Variants in BACH2 observed in about 807,000 individuals in gnomAD.
BACH2 encodes the protein BACH transcriptional regulator 2, also known as transcription regulator protein BACH2.
In BACH2, 5 loss-of-function variants were observed where a neutral mutation model predicts 61.8. That is an observed-to-expected ratio of 0.08 (90% confidence interval 0.04 to 0.17). The LOEUF is 0.17. BACH2 is among the 10% of genes least tolerant of loss of function. The probability of loss-of-function intolerance (pLI) is 1.00; values close to 1 mark genes in which losing one functional copy is unlikely to be tolerated. For missense variants in BACH2, 824 were observed against 1,091.1 expected, an observed-to-expected ratio of 0.76 and a Z score of 3.45; for synonymous variants, 446 against 440.1, an observed-to-expected ratio of 1.01 and a Z score of -0.17.
intron 6 of BACH2, among the ~76,000 whole-genome samples, chr6:89,969,071 TAGGCTGAG>T (rs1775214115): frequency 6.7e-6 from 1 of 149,560 alleles, no homozygotes; most frequent in Non-Finnish European, 1.5e-5. Context: ...TTTTTTTTTT[TAGGCTGAG>T]TTTCACTCTT....
intron 1 of BACH2, among the ~76,000 whole-genome samples, chr6:90,283,535 C>G (rs1409946235): frequency 1.3e-5 from 2 of 151,844 alleles, no homozygotes; most frequent in African/African-American, 4.8e-5. Context: ...GCCACCATGC[C>G]CGGCTAATTT....
chr6:90,117,355 T>C (rs764382879), intron 4 of BACH2, among the ~76,000 whole-genome samples: 4 of 152,150 alleles, frequency 2.6e-5, no homozygotes, highest in African/African-American at 9.7e-5. Context: ...TTCTTCCCTC[T>C]TCCCTCTCTC....
intron 4 of BACH2, among the ~76,000 whole-genome samples, chr6:90,129,964 G>A (rs938091095): frequency 6.6e-6 from 1 of 152,052 alleles, no homozygotes; most frequent in Non-Finnish European, 1.5e-5. Flanking sequence ...CCACCTCCAG[G>A]GTTCAAGCAA....
chr6:90,145,820 G>C (rs887768179), intron 4 of BACH2, among the ~76,000 whole-genome samples: 2 of 152,196 alleles, frequency 1.3e-5, no homozygotes, highest in African/African-American at 4.8e-5. Context: ...TGCACAGAGA[G>C]GTAAAACACA....
intron 5 of BACH2, among the ~76,000 whole-genome samples, chr6:90,024,561 G>C (rs1028083249): frequency 2.6e-5 from 4 of 152,240 alleles, no homozygotes; most frequent in East Asian, 1.9e-4. Context: ...AAATAAACTA[G>C]GTGACTTTTT....
intron 4 of BACH2, among the ~76,000 whole-genome samples, chr6:90,185,399 T>C (rs1229299631): frequency 6.6e-6 from 1 of 152,172 alleles, no homozygotes; most frequent in African/African-American, 2.4e-5. Context: ...ATGTAAAACA[T>C]GCAAAGATAC....
Position 89,931,593 on chromosome 6 carries a change from A to C in BACH2, c.*815T>G, listed in dbSNP as rs76554398. 6.5e-6 allele frequency: 1 copy of C among 152,706 alleles called. No individual in the cohort carries two copies. Among genetic ancestry groups the C allele is most frequent in the East Asian group, 1.9e-4 (1 of 5,196 alleles). 9.5% of individuals were successfully genotyped at this position (152,706 alleles called of 1,614,324 possible). A position where few individuals can be genotyped will look rare whatever the true frequency, so the allele number is the denominator to read the frequency against. ...ATTACTGTACAGTATCTGCAAGGAA[A>C]ACAAAAACAAAAACAAAAACAAACA... On this transcript the variant is annotated 3_prime_UTR_variant, in exon 9 of 9. Coordinates refer to ENST00000257749, the MANE Select transcript of BACH2 (RefSeq NM_021813.4).
intron 4 of BACH2, among the ~76,000 whole-genome samples, chr6:90,142,994 G>A (rs1784511570): frequency 6.6e-6 from 1 of 152,200 alleles, no homozygotes; most frequent in South Asian, 2.1e-4. Context: ...TCTTCTGGGT[G>A]ACAGCCAGTT....
intron 2 of BACH2, among the ~76,000 whole-genome samples, chr6:90,257,996 G>C (rs564100779): frequency 3.0e-4 from 45 of 152,160 alleles, no homozygotes; most frequent in African/African-American, 9.9e-4. Flanking sequence ...GGATGGTCTC[G>C]ATCTCCTGAC....
intron 5 of BACH2, among the ~76,000 whole-genome samples, chr6:90,069,668 A>G (rs1332706731): frequency 6.6e-6 from 1 of 152,242 alleles, no homozygotes; most frequent in African/African-American, 2.4e-5. Context: ...GCTACACATA[A>G]CATCTTGTTT....
chr6:89,929,208 G>A lies in BACH2; in HGVS notation c.*3200C>T, dbSNP rs752427798. The A allele has an allele frequency of 2.6e-5, 4 of 152,392 alleles. No individual in the cohort carries two copies. The highest frequency in any genetic ancestry group is 5.9e-5 in the Non-Finnish European group (4 of 68,024). 9.4% of individuals were successfully genotyped at this position (152,392 alleles called of 1,614,324 possible). On this transcript the variant is annotated 3_prime_UTR_variant, in exon 9 of 9. Coordinates refer to ENST00000257749, the MANE Select transcript of BACH2 (RefSeq NM_021813.4). ...CGTGGTTGGAGGGTCTCTTATTTTT[G>A]TAAGAAAAGAGCCTTAAGAACAACC...
chr6:89,967,992 C>T (rs1040578450), intron 6 of BACH2, among the ~76,000 whole-genome samples: 2 of 152,200 alleles, frequency 1.3e-5, no homozygotes, highest in Admixed American at 1.3e-4. Flanking sequence ...AATCTACTCC[C>T]TTTTCAGTCT....
intron 4 of BACH2, among the ~76,000 whole-genome samples, chr6:90,190,233 G>A (rs1204572800): frequency 2.6e-5 from 4 of 152,154 alleles, no homozygotes; most frequent in African/African-American, 4.8e-5. Flanking sequence ...GTGAGCCACC[G>A]CAAGCAGCCA....
chr6:90,225,067 A>C (rs1769865764), intron 3 of BACH2, among the ~76,000 whole-genome samples: 2 of 123,188 alleles, frequency 1.6e-5, no homozygotes, highest in South Asian at 4.6e-4. Flanking sequence ...AATACATCAT[A>C]ACAACAACAA....
intron 4 of BACH2, among the ~76,000 whole-genome samples, chr6:90,126,602 A>G (rs993473223): frequency 1.3e-5 from 2 of 152,248 alleles, no homozygotes; most frequent in African/African-American, 2.4e-5. Context: ...ATAAAGTTCA[A>G]TTAAATATTC....
rs188194244 is a variant in BACH2, at chr6:90,222,144, C to G, written c.-274-15463G>C. ...TTTGAAACAGGGTGTGGATTCTACA[C>G]TTACGGCACATCTCAATTTGGACAA... On this transcript the variant is annotated intron_variant, in intron 3 of 8. Coordinates refer to ENST00000257749, the MANE Select transcript of BACH2 (RefSeq NM_021813.4). 1.4e-3 allele frequency among the ~76,000 whole-genome samples: 212 copies of G among 152,290 alleles called. 1 individual carries two copies. The highest frequency in any genetic ancestry group is 6.8e-3 in the Middle Eastern group (2 of 294).
At chr6:90,103,534 C>T (rs1178733648) in intron 4 of BACH2, among the ~76,000 whole-genome samples, 4 of 152,152 alleles carry the variant, frequency 2.6e-5, no homozygotes, top group East Asian at 1.9e-4. Context: ...AACTCTGTTA[C>T]GAAACTGAAA....
chr6:89,988,922 G>C (rs1314941062), intron 6 of BACH2, among the ~76,000 whole-genome samples: 1 of 152,176 alleles, frequency 6.6e-6, no homozygotes, highest in African/African-American at 2.4e-5. Context: ...AAAATTTTTT[G>C]GGTAGTTCCC....
intron 5 of BACH2, among the ~76,000 whole-genome samples, chr6:90,028,178 A>G (rs542358759): frequency 2.2e-4 from 34 of 152,342 alleles, no homozygotes; most frequent in South Asian, 4.1e-4. Context: ...CCTCCCTGAG[A>G]AGTGCAGAGT....
Sources: gnomAD v4.1 joint callset for allele counts (sites outside exome capture counted in the v4.1 genomes callset) on GRCh38, gnomAD v4.1.1 for gene constraint, MANE v1.5 for transcripts, NCBI Gene and HGNC (gene_info 2026-07-23, HGNC 2026-07-21) for gene names.